The following FRMD4B variants were observed in gnomAD, a reference collection of about 807,000 sequenced individuals.
FRMD4B encodes FERM domain containing 4B.
FRMD4B carries 74 observed loss-of-function variants against 141.5 expected under a neutral mutation model. That is an observed-to-expected ratio of 0.52 (90% CI 0.43 to 0.63). The LOEUF (loss-of-function observed/expected upper bound fraction) is 0.63, where lower values mean the gene tolerates loss of function less well. Ranked by LOEUF, FRMD4B falls within the 30% of genes least tolerant of loss-of-function variation. The pLI, the probability that FRMD4B is intolerant of heterozygous loss-of-function variation, is 0.00. For synonymous variants in FRMD4B, 506 were observed against 467.9 expected (o/e 1.08, Z -1.05); for missense variants, 1,366 against 1,253.4 (o/e 1.09, Z -1.36).
intron 4 of FRMD4B, among the ~76,000 whole-genome samples, chr3:69,293,639 G>T (rs1412057736): frequency 1.3e-5 from 2 of 151,950 alleles, no homozygotes; most frequent in Non-Finnish European, 2.9e-5. Context: ...CCAACATTTT[G>T]GGAGGCCAAG....
intron 11 of FRMD4B, chr3:69,199,074 T>C (rs993876599): frequency 7.2e-6 from 2 of 276,340 alleles, no homozygotes; most frequent in African/African-American, 4.5e-5. Flanking sequence ...ATCGAGACCA[T>C]CCTCGCTAAC....
At chr3:69,256,149 C>T (rs1275690592) in intron 5 of FRMD4B, among the ~76,000 whole-genome samples, 1 of 152,078 alleles carries the variant, frequency 6.6e-6, no homozygotes, top group Non-Finnish European at 1.5e-5. Flanking sequence ...GTCTAGGATG[C>T]TCTCACTTTG....
chr3:69,409,565 C>T (rs904443974), intron 2 of FRMD4B, among the ~76,000 whole-genome samples: 16 of 152,254 alleles, frequency 1.1e-4, no homozygotes, highest in South Asian at 6.2e-4. Flanking sequence ...AGAAAAATCT[C>T]GATTTTTATA....
intron 1 of FRMD4B, among the ~76,000 whole-genome samples, chr3:69,481,912 T>C (rs1706131273): frequency 6.6e-6 from 1 of 152,172 alleles, no homozygotes; most frequent in Non-Finnish European, 1.5e-5. Context: ...AACAGAGCCA[T>C]TCTCAAAAGA....
At position 69,182,733 on chromosome 3, in the gene FRMD4B, G is replaced by T. The variant is rs750674906; in HGVS notation, c.1920-16C>A. The T allele has an allele frequency of 2.5e-6, 4 of 1,609,542 alleles. No homozygotes were observed. In the African/African-American group the frequency reaches 5.4e-5, roughly 22 times the overall value. ...CAGCATTTCTCTGTGATGATAAAAAGAAGAATTCAGGAAATGATGAGTCTC... is the reference window on the plus strand; with the variant it reads ...CAGCATTTCTCTGTGATGATAAAAATAAGAATTCAGGAAATGATGAGTCTC... On this transcript the variant is annotated splice_polypyrimidine_tract_variant and intron_variant, in intron 19 of 22. Transcript: ENST00000398540.
chr3:69,190,556 A>C (rs1352994260), intron 17 of FRMD4B, among the ~76,000 whole-genome samples: 2 of 152,126 alleles, frequency 1.3e-5, no homozygotes, highest in Non-Finnish European at 2.9e-5. Context: ...CTGAGATTAC[A>C]GGTATGCAGC....
chr3:69,188,959 C>T (rs868819193), intron 18 of FRMD4B, among the ~76,000 whole-genome samples: 7 of 150,306 alleles, frequency 4.7e-5, no homozygotes, highest in South Asian at 2.1e-4. Context: ...CGGTGGCTCA[C>T]GCCTGTAATC....
intron 2 of FRMD4B, among the ~76,000 whole-genome samples, chr3:69,407,218 G>T (rs1363201698): frequency 2.0e-5 from 3 of 152,172 alleles, no homozygotes; most frequent in African/African-American, 7.2e-5. Flanking sequence ...ATCTTTTACT[G>T]AATGTAAATT....
At chr3:69,290,210 A>G (rs939353064) in intron 4 of FRMD4B, among the ~76,000 whole-genome samples, 3 of 152,110 alleles carry the variant, frequency 2.0e-5, no homozygotes, top group Non-Finnish European at 4.4e-5. Context: ...AGCAAGTGCC[A>G]CTCAACAGAT....
chr3:69,474,309 T>G (rs1251327872), intron 1 of FRMD4B, among the ~76,000 whole-genome samples: 2 of 152,146 alleles, frequency 1.3e-5, no homozygotes, highest in Non-Finnish European at 2.9e-5. Flanking sequence ...TCTGGTAGAG[T>G]AGGAACCAGG....
chr3:69,449,522 C>A (rs1197348259), intron 1 of FRMD4B, among the ~76,000 whole-genome samples: 1 of 152,154 alleles, frequency 6.6e-6, no homozygotes, highest in African/African-American at 2.4e-5. Context: ...AGCCCCCATT[C>A]AAATAAATGT....
rs565163952 is a variant in FRMD4B at position 69,409,843 on chromosome 3, A to G, written c.-1+22791T>C. Among the ~76,000 whole-genome samples the G allele has an allele frequency of 3.3e-5, 5 of 152,316 alleles. No individual in the cohort carries two copies. The South Asian group carries it at 1.0e-3, about 32-fold the overall frequency. The stretch of plus-strand genomic sequence containing the variant: ...TGACAACAAAGCCCACATGTGGGGA[A>G]AGCAGAGTAGAGAGAATTCAGAGAA... On this transcript the variant is annotated intron_variant, in intron 2 of 5. Coordinates refer to the FRMD4B transcript ENST00000459638.
chr3:69,179,755 CA>C (rs1169846954), intron 21 of FRMD4B, among the ~76,000 whole-genome samples: 1 of 152,146 alleles, frequency 6.6e-6, no homozygotes, highest in African/African-American at 2.4e-5. Flanking sequence ...TTTGAGAATT[CA>C]TTCATTTCTT....
chr3:69,446,670 G>C (rs531429826), intron 1 of FRMD4B, among the ~76,000 whole-genome samples: 5 of 152,220 alleles, frequency 3.3e-5, no homozygotes, highest in Non-Finnish European at 7.4e-5. Flanking sequence ...AATTTTCAAT[G>C]TTCTCCCTCT....
At chr3:69,183,203 G>C (rs918166993) in intron 19 of FRMD4B, among the ~76,000 whole-genome samples, 5 of 152,212 alleles carry the variant, frequency 3.3e-5, no homozygotes, top group African/African-American at 1.2e-4. Flanking sequence ...TAATATGTAA[G>C]AGAATGGGTG....
intron 1 of FRMD4B, chr3:69,323,039 G>C: frequency 1.0e-6 from 1 of 971,298 alleles, no homozygotes; most frequent in Non-Finnish European, 1.2e-6. Context: ...ACTGGAAGTG[G>C]AGAAGGAAAA....
At chr3:69,327,270 T>C (rs923699368) in intron 1 of FRMD4B, among the ~76,000 whole-genome samples, 1 of 152,218 alleles carries the variant, frequency 6.6e-6, no homozygotes, top group Non-Finnish European at 1.5e-5. Flanking sequence ...AAGTACTGCG[T>C]CTTTCAAAGA....
At chr3:69,218,526 A>T (rs1402285970) in intron 9 of FRMD4B, 147 bp from the exon 10 acceptor site, 1 of 545,212 alleles carries the variant, frequency 1.8e-6, no homozygotes, top group Non-Finnish European at 3.2e-6. Context: ...AGAATAAACC[A>T]TTTTGGGGAG....
At chr3:69,460,257 T>G (rs1575810180) in intron 1 of FRMD4B, among the ~76,000 whole-genome samples, 1 of 152,202 alleles carries the variant, frequency 6.6e-6, no homozygotes, top group South Asian at 2.1e-4. Flanking sequence ...ACTGCATTAT[T>G]CATCATCACA....
Sources: gnomAD v4.1 joint callset for allele counts (sites outside exome capture counted in the v4.1 genomes callset) on GRCh38, gnomAD v4.1.1 for gene constraint, MANE v1.5 for transcripts, NCBI Gene and HGNC (gene_info 2026-07-23, HGNC 2026-07-21) for gene names.